The following KLHL1 variants were observed in gnomAD, a reference collection of about 807,000 sequenced individuals.
KLHL1 encodes the protein kelch like family member 1.
Under a neutral mutation model 77.7 loss-of-function variants are expected in KLHL1, and 47 were observed. That is an observed-to-expected ratio of 0.60 (90% confidence interval 0.48 to 0.77). The LOEUF (loss-of-function observed/expected upper bound fraction) is 0.77, where lower values mean the gene tolerates loss of function less well. Ranked by LOEUF, KLHL1 falls within the 30% of genes least tolerant of loss-of-function variation. The pLI, the probability that KLHL1 is intolerant of heterozygous loss-of-function variation, is 0.00. For synonymous variants in KLHL1, 360 were observed against 325.2 expected (o/e 1.11, Z -1.15); for missense variants, 925 against 910.8 (o/e 1.02, Z -0.20).
At chr13:70,005,444 T>G (rs551957004) in intron 1 of KLHL1, among the ~76,000 whole-genome samples, 19 of 152,142 alleles carry the variant, frequency 1.2e-4, no homozygotes, top group African/African-American at 4.3e-4. Context: ...TCATGCAAAC[T>G]TTCTTAAAAC....
chr13:70,037,129 T>C (rs921505223), intron 1 of KLHL1, among the ~76,000 whole-genome samples: 1 of 152,052 alleles, frequency 6.6e-6, no homozygotes, highest in Non-Finnish European at 1.5e-5. Flanking sequence ...CTTAGTAAGA[T>C]ATTTTTCACA....
At chr13:70,099,176 A>C (rs753388739) in intron 1 of KLHL1, among the ~76,000 whole-genome samples, 25 of 151,954 alleles carry the variant, frequency 1.6e-4, no homozygotes, top group Non-Finnish European at 3.1e-4. Context: ...TAATAATACA[A>C]ATTTTTGTAA....
chr13:69,738,071 T>C (rs1262009022), intron 8 of KLHL1, among the ~76,000 whole-genome samples: 1 of 152,098 alleles, frequency 6.6e-6, no homozygotes, highest in Admixed American at 6.5e-5. Context: ...CCGCCTCCAA[T>C]GATGGTATCT....
chr13:69,876,840 CTAGCCTGACCAGTG>C (rs974428935), intron 5 of KLHL1, among the ~76,000 whole-genome samples: 1 of 152,136 alleles, frequency 6.6e-6, no homozygotes, highest in African/African-American at 2.4e-5. Flanking sequence ...GAGTTCAAGA[CTAGCCTGACCAGTG>C]TGGCAAAACC....
At chr13:70,097,133 T>TC (rs962226307) in intron 1 of KLHL1, among the ~76,000 whole-genome samples, 2 of 151,836 alleles carry the variant, frequency 1.3e-5, no homozygotes, top group Non-Finnish European at 2.9e-5. Flanking sequence ...TTTGAGAACT[T>TC]CCCCCCACTA....
intron 1 of KLHL1, among the ~76,000 whole-genome samples, chr13:70,093,725 A>G (rs1887723590): frequency 6.6e-6 from 1 of 152,078 alleles, no homozygotes. Flanking sequence ...TTCTCATGGT[A>G]TTTTGAACCA....
intron 5 of KLHL1, among the ~76,000 whole-genome samples, chr13:69,875,629 T>C (rs1880735099): frequency 1.3e-5 from 2 of 152,142 alleles, no homozygotes; most frequent in Non-Finnish European, 2.9e-5. Context: ...ATATCTTTTA[T>C]TATATTAATA....
At chr13:69,720,778 G>C (rs954549986) in intron 8 of KLHL1, among the ~76,000 whole-genome samples, 2 of 151,374 alleles carry the variant, frequency 1.3e-5, no homozygotes, top group African/African-American at 4.8e-5. Flanking sequence ...GAAGCAGGAA[G>C]GAAGTCAGTG....
At chr13:70,064,524 C>T (rs796672246) in intron 1 of KLHL1, among the ~76,000 whole-genome samples, 14 of 152,260 alleles carry the variant, frequency 9.2e-5, no homozygotes, top group Admixed American at 5.2e-4. Flanking sequence ...TTCACGTTAG[C>T]TCCTTCACCT....
intron 1 of KLHL1, among the ~76,000 whole-genome samples, chr13:70,015,941 C>T (rs1270484933): frequency 6.6e-6 from 1 of 152,098 alleles, no homozygotes; most frequent in Non-Finnish European, 1.5e-5. Context: ...TTCACTTTGA[C>T]TACATTTCTA....
chr13:69,902,936 A>T (rs1386055885), intron 4 of KLHL1, among the ~76,000 whole-genome samples: 1 of 152,140 alleles, frequency 6.6e-6, no homozygotes, highest in Non-Finnish European at 1.5e-5. Flanking sequence ...ATTCAATACC[A>T]TAGCTTTTCC....
intron 6 of KLHL1, among the ~76,000 whole-genome samples, chr13:69,807,420 G>A (rs1240365356): frequency 3.9e-5 from 6 of 152,028 alleles, no homozygotes; most frequent in African/African-American, 7.2e-5. Context: ...CTGCTCTGCC[G>A]GGAGGGTACT....
At chr13:70,030,412 T>A (rs567829918) in intron 1 of KLHL1, among the ~76,000 whole-genome samples, 1 of 152,192 alleles carries the variant, frequency 6.6e-6, no homozygotes, top group African/African-American at 2.4e-5. Flanking sequence ...CACAGTGCAA[T>A]CAAACTAGAA....
At chr13:69,792,683 T>C (rs891909033) in intron 7 of KLHL1, among the ~76,000 whole-genome samples, 1 of 152,184 alleles carries the variant, frequency 6.6e-6, no homozygotes, top group Non-Finnish European at 1.5e-5. Context: ...TAAAGCTTAA[T>C]AATGGAATAT....
At chr13:70,026,360 T>C (rs1192924139) in intron 1 of KLHL1, among the ~76,000 whole-genome samples, 2 of 152,140 alleles carry the variant, frequency 1.3e-5, no homozygotes, top group Non-Finnish European at 2.9e-5. Flanking sequence ...GTACTACATA[T>C]AGTTAACTTA....
At chr13:69,714,224 G>A (rs7318210) in intron 9 of KLHL1, among the ~76,000 whole-genome samples, 147,797 of 152,276 alleles carry the variant, frequency 0.97, 71,743 homozygotes, top group East Asian at 1. Flanking sequence ...ATGATGAATG[G>A]AAAGTTCTAT....
intron 4 of KLHL1, among the ~76,000 whole-genome samples, chr13:69,893,159 A>T (rs1881487860): frequency 6.6e-6 from 1 of 151,950 alleles, no homozygotes; most frequent in Non-Finnish European, 1.5e-5. Context: ...TAAAATGGAA[A>T]CTAATGAAAT....
chr13:69,957,182 C>T (rs148847336), intron 3 of KLHL1, among the ~76,000 whole-genome samples: 2 of 151,658 alleles, frequency 1.3e-5, no homozygotes, highest in African/African-American at 2.4e-5. Context: ...GCATTAGGTA[C>T]AGGAAAATGC....
intron 7 of KLHL1, among the ~76,000 whole-genome samples, chr13:69,746,028 TTTTTTATATA>T (rs1404353085): frequency 6.6e-6 from 1 of 151,602 alleles, no homozygotes; most frequent in African/African-American, 2.4e-5. Context: ...TTATTAGAAC[TTTTTTATATA>T]TATTACTGAA....
Sources: allele counts gnomAD v4.1 joint callset (sites outside exome capture counted in the v4.1 genomes callset), GRCh38; gene constraint gnomAD v4.1.1; transcripts MANE v1.5; gene names NCBI Gene and HGNC (gene_info 2026-07-23, HGNC 2026-07-21).